Variants in TGIF1 observed in about 807,000 individuals in gnomAD.
TGIF1 encodes the protein homeobox protein TGIF1.
TGIF1 carries 4 observed loss-of-function variants against 19.3 expected under a neutral mutation model. The observed-to-expected ratio is 0.21, with a 90% CI of 0.10 to 0.47. The LOEUF (loss-of-function observed/expected upper bound fraction) is 0.47, where lower values mean the gene tolerates loss of function less well. Among genes scored for constraint, TGIF1 ranks in the 20% least tolerant of loss-of-function variants. The pLI is 0.98. For synonymous variants in TGIF1, 122 were observed against 129.3 expected, an observed-to-expected ratio of 0.94 and a Z score of 0.38; for missense variants, 275 against 341.4, an observed-to-expected ratio of 0.81 and a Z score of 1.53.
chr18:3,433,238 T>A (rs1306675269), intron 2 of TGIF1, among the ~76,000 whole-genome samples: 1 of 150,630 alleles, frequency 6.6e-6, no homozygotes, highest in Non-Finnish European at 1.5e-5. Context: ...CACGCTGGGC[T>A]GATTTTTGTA....
chr18:3,427,234 G>A (rs897751816), intron 2 of TGIF1, among the ~76,000 whole-genome samples: 2 of 151,600 alleles, frequency 1.3e-5, no homozygotes, highest in Non-Finnish European at 2.9e-5. Context: ...GTGAGCCACC[G>A]CGCCCAGCCA....
At chr18:3,426,492 C>T (rs2082471366) in intron 2 of TGIF1, among the ~76,000 whole-genome samples, 1 of 152,076 alleles carries the variant, frequency 6.6e-6, no homozygotes. Context: ...CTTATTCAGT[C>T]AACCCATAGA....
At chr18:3,450,011 C>T, upstream of TGIF1, 1 of 990,420 alleles carries the variant, frequency 1.0e-6, no homozygotes, top group Non-Finnish European at 1.2e-6. Context: ...TCCGCACCGC[C>T]GCCCCCGAGG....
upstream of TGIF1, chr18:3,449,624 G>T: frequency 2.1e-6 from 2 of 969,398 alleles, no homozygotes; most frequent in Non-Finnish European, 2.4e-6. Flanking sequence ...CGCCGCGCCC[G>T]CGTGTCAATG....
At position 3,450,248 on chromosome 18, in the gene TGIF1, A is replaced by AG; in HGVS notation, c.-239dup. ...AGAGGGGAGGGGAGAGAGTTGGGCG[A>AG]GGGAGAGCCCCCGGCCGGCTGCCAG... On this transcript the variant is annotated 5_prime_UTR_variant, in exon 1 of 3. Coordinates refer to ENST00000343820, the MANE Select transcript of TGIF1 (RefSeq NM_003244.4). The AG allele has an allele frequency of 7.0e-7, 1 of 1,428,658 alleles. No individual in the cohort carries two copies. The highest frequency in any genetic ancestry group is 1.4e-5 in the African/African-American group (1 of 69,486). 88.5% of individuals were successfully genotyped at this position (1,428,658 alleles called of 1,614,324 possible). A position where few individuals can be genotyped will look rare whatever the true frequency, so the allele number is the denominator to read the frequency against.
intron 2 of TGIF1, among the ~76,000 whole-genome samples, chr18:3,422,249 C>A (rs1194333095): frequency 1.6e-5 from 2 of 127,312 alleles, no homozygotes; most frequent in African/African-American, 2.9e-5. Flanking sequence ...TAGGCCTAGG[C>A]TAATGTGTGT....
Position 3,450,251 on chromosome 18 carries a change from G to C in TGIF1, c.-239G>C, listed in dbSNP as rs2082861718. ...GGGGAGGGGAGAGAGTTGGGCGAGGGAGAGCCCCCGGCCGGCTGCCAGAAG... is the reference window on the plus strand; with the variant it reads ...GGGGAGGGGAGAGAGTTGGGCGAGGCAGAGCCCCCGGCCGGCTGCCAGAAG... On this transcript the variant is annotated 5_prime_UTR_variant, in exon 1 of 3. Transcript: ENST00000343820. The C allele has an allele frequency of 7.0e-7, 1 of 1,429,822 alleles. No individual in the cohort carries two copies. The highest frequency in any genetic ancestry group is 9.1e-7 in the Non-Finnish European group (1 of 1,096,230). 88.6% of individuals were successfully genotyped at this position (1,429,822 alleles called of 1,614,324 possible).
intron 2 of TGIF1, among the ~76,000 whole-genome samples, chr18:3,427,870 G>A (rs1242392599): frequency 6.6e-6 from 1 of 152,214 alleles, no homozygotes; most frequent in Admixed American, 6.5e-5. Context: ...AAAGGGATGG[G>A]ATTATAGGCG....
chr18:3,432,313 G>T (rs1235900007), intron 2 of TGIF1, among the ~76,000 whole-genome samples: 1 of 152,074 alleles, frequency 6.6e-6, no homozygotes, highest in African/African-American at 2.4e-5. Context: ...GACAAATACA[G>T]ACCATTCTAC....
intron 1 of TGIF1, chr18:3,453,638 G>C (rs1036562718): frequency 4.9e-6 from 1 of 204,622 alleles, no homozygotes. Context: ...GTGAGCCGAG[G>C]TTGCGGCATT....
At chr18:3,452,676 C>G (rs2083014416) in intron 1 of TGIF1, among the ~76,000 whole-genome samples, 1 of 152,148 alleles carries the variant, frequency 6.6e-6, no homozygotes, top group South Asian at 2.1e-4. Context: ...TCCCTCTCCC[C>G]GTGCTCCTCC....
At chr18:3,439,866 C>T (rs999616156) in intron 2 of TGIF1, among the ~76,000 whole-genome samples, 2 of 151,548 alleles carry the variant, frequency 1.3e-5, no homozygotes, top group East Asian at 3.9e-4. Context: ...AAAAAAAATA[C>T]AAAAATCAGC....
chr18:3,428,919 G>A (rs770130726), intron 2 of TGIF1, among the ~76,000 whole-genome samples: 43 of 151,982 alleles, frequency 2.8e-4, no homozygotes, highest in Non-Finnish European at 6.0e-4. Flanking sequence ...CGAGCATGGC[G>A]GCGTGCCCCT....
chr18:3,423,950 A>G (rs1205220364), intron 2 of TGIF1, among the ~76,000 whole-genome samples: 1 of 152,184 alleles, frequency 6.6e-6, no homozygotes, highest in Non-Finnish European at 1.5e-5. Flanking sequence ...TAAAGCAGCT[A>G]TCTTAAACTA....
chr18:3,445,521 G>A (rs929189857), upstream of TGIF1, among the ~76,000 whole-genome samples: 22 of 151,304 alleles, frequency 1.5e-4, no homozygotes, highest in African/African-American at 5.4e-4. Flanking sequence ...TCAGGATATC[G>A]AGACCATCCT....
At position 3,458,458 on chromosome 18, in the gene TGIF1, A is replaced by G. The variant is rs1001556763; in HGVS notation, c.*518A>G. ...CTGTTGAGGGAGGTGCTTCTTAAAAATAAGTAGGAATATAGCACCCCAGTG... is the reference window on the plus strand; with the variant it reads ...CTGTTGAGGGAGGTGCTTCTTAAAAGTAAGTAGGAATATAGCACCCCAGTG... On this transcript the variant is annotated 3_prime_UTR_variant, in exon 3 of 3. Transcript: ENST00000343820. 1 of 167,812 alleles carries G rather than the reference A, an allele frequency of 6.0e-6. No homozygotes were observed. 10.4% of individuals were successfully genotyped at this position (167,812 alleles called of 1,614,324 possible). A position where few individuals can be genotyped will look rare whatever the true frequency, so the allele number is the denominator to read the frequency against.
chr18:3,452,227 C>T (rs1406895358), intron 1 of TGIF1: 10 of 1,608,890 alleles, frequency 6.2e-6, no homozygotes, highest in South Asian at 2.2e-5. Flanking sequence ...GCCCCCCCTC[C>T]TCCACCGGCG....
chr18:3,435,717 C>T (rs1008117583), intron 2 of TGIF1, among the ~76,000 whole-genome samples: 3 of 152,154 alleles, frequency 2.0e-5, no homozygotes, highest in Admixed American at 1.3e-4. Flanking sequence ...GAATAAATCC[C>T]CAATAATTGC....
At chr18:3,450,111 A>G (rs940611730), upstream of TGIF1, 18 of 1,008,236 alleles carry the variant, frequency 1.8e-5, no homozygotes, top group Non-Finnish European at 1.9e-5. Flanking sequence ...CGGGAGGGGG[A>G]CGGGGCGGGC....
Sources: gnomAD v4.1 joint callset for allele counts (sites outside exome capture counted in the v4.1 genomes callset) on GRCh38, gnomAD v4.1.1 for gene constraint, MANE v1.5 for transcripts, NCBI Gene and HGNC (gene_info 2026-07-23, HGNC 2026-07-21) for gene names.